The following PRDM5 variants were observed in gnomAD, a reference collection of about 807,000 sequenced individuals.
The protein encoded by PRDM5 is PR/SET domain 5.
PRDM5 carries 56 observed loss-of-function variants against 81.2 expected under a neutral mutation model. The ratio of observed to expected loss-of-function variants is 0.69; its 90% confidence interval spans 0.56 to 0.86. PRDM5 has a LOEUF of 0.86. PRDM5 is among the 40% of genes least tolerant of loss of function. The pLI, the probability that PRDM5 is intolerant of heterozygous loss-of-function variation, is 0.00. For missense variants in PRDM5, 697 were observed against 770.1 expected, an observed-to-expected ratio of 0.91 and a Z score of 1.12; for synonymous variants, 267 against 256.4, an observed-to-expected ratio of 1.04 and a Z score of -0.39.
Position 120,821,247 on chromosome 4 carries a change from T to C in PRDM5, c.399A>G (p.Glu133=). ...YLDSDMEAEE[E]EQQIMTVIKE... is the part of the protein sequence containing the mutation. ...TGATGACTGTCATAATTTGCTGTTC[T>C]TCCTCCTCAGCCTCCATGTCACTAT... The change falls in exon 4 of 16, where the codon GAA becomes GAG. Residue 133 remains glutamate, a synonymous_variant. Transcript: ENST00000264808. The C allele has an allele frequency of 6.2e-7, 1 of 1,614,108 alleles. No homozygotes were observed. The highest frequency in any genetic ancestry group is 8.5e-7 in the Non-Finnish European group (1 of 1,179,982).
chr4:120,728,637 C>T (rs1739795037), intron 14 of PRDM5, among the ~76,000 whole-genome samples: 1 of 152,068 alleles, frequency 6.6e-6, no homozygotes, highest in Non-Finnish European at 1.5e-5. Flanking sequence ...CAATTATTAC[C>T]CTCCACTTTC....
chr4:120,879,719 G>A (rs1287982821), intron 2 of PRDM5, among the ~76,000 whole-genome samples: 8 of 152,014 alleles, frequency 5.3e-5, no homozygotes, highest in African/African-American at 1.9e-4. Context: ...AGTTTTTGGG[G>A]AGTCAAAAGT....
chr4:120,868,944 C>A (rs2148528645), intron 2 of PRDM5, among the ~76,000 whole-genome samples: 1 of 152,234 alleles, frequency 6.6e-6, no homozygotes, highest in South Asian at 2.1e-4. Flanking sequence ...AAATTGGAAA[C>A]AACTTGCAAG....
At chr4:120,838,946 C>T in intron 3 of PRDM5, 1 of 489,142 alleles carries the variant, frequency 2.0e-6, no homozygotes, top group Non-Finnish European at 3.7e-6. Context: ...ATGCCGGCTG[C>T]TGCAGAAGGG....
intron 3 of PRDM5, among the ~76,000 whole-genome samples, chr4:120,844,670 C>T (rs1758444334): frequency 1.3e-5 from 2 of 152,262 alleles, no homozygotes; most frequent in Admixed American, 6.5e-5. Flanking sequence ...CACAACAATA[C>T]TGAAATGAGG....
chr4:120,794,740 C>T (rs1751105913), intron 10 of PRDM5, among the ~76,000 whole-genome samples: 1 of 152,064 alleles, frequency 6.6e-6, no homozygotes, highest in South Asian at 2.1e-4. Flanking sequence ...TCTCCTGCCT[C>T]AGCCTCCTGA....
At chr4:120,835,703 C>A (rs1757276534) in intron 3 of PRDM5, among the ~76,000 whole-genome samples, 1 of 151,932 alleles carries the variant, frequency 6.6e-6, no homozygotes, top group African/African-American at 2.4e-5. Flanking sequence ...AACTAAACCT[C>A]TTTTTTTTCC....
intron 12 of PRDM5, among the ~76,000 whole-genome samples, chr4:120,780,474 C>T (rs1238809066): frequency 6.6e-6 from 1 of 152,020 alleles, no homozygotes; most frequent in Non-Finnish European, 1.5e-5. Context: ...ACATTAAAAC[C>T]TTTAAGTGTA....
intron 2 of PRDM5, among the ~76,000 whole-genome samples, chr4:120,867,379 A>C (rs1561541590): frequency 6.6e-6 from 1 of 152,162 alleles, no homozygotes; most frequent in Non-Finnish European, 1.5e-5. Context: ...AAAAACCAAA[A>C]CATATGTTTC....
chr4:120,907,628 T>C (rs1765986096), intron 1 of PRDM5, 71 bp from the exon 2 acceptor site: 2 of 1,219,902 alleles, frequency 1.6e-6, no homozygotes, highest in East Asian at 2.3e-5. Context: ...ACGACTTTTT[T>C]CTTCTGGAAT....
intron 3 of PRDM5, among the ~76,000 whole-genome samples, chr4:120,842,201 TAAG>T (rs910783435): frequency 1.3e-5 from 2 of 152,200 alleles, no homozygotes; most frequent in Non-Finnish European, 2.9e-5. Context: ...GCAGTCTGGC[TAAG>T]ATAAAACTAC....
downstream of PRDM5, among the ~76,000 whole-genome samples, chr4:120,687,870 A>G (rs1352835466): frequency 4.6e-5 from 7 of 152,122 alleles, no homozygotes; most frequent in Non-Finnish European, 1.0e-4. Flanking sequence ...CATCCTTGCC[A>G]GTGCTTGCAC....
intron 2 of PRDM5, among the ~76,000 whole-genome samples, chr4:120,869,795 G>C (rs2148532389): frequency 6.6e-6 from 1 of 152,180 alleles, no homozygotes; most frequent in South Asian, 2.1e-4. Context: ...ATCCTCCTTT[G>C]CCATGTTGAA....
chr4:120,804,058 C>A (rs1444787189), intron 8 of PRDM5, among the ~76,000 whole-genome samples: 1 of 152,142 alleles, frequency 6.6e-6, no homozygotes, highest in African/African-American at 2.4e-5. Flanking sequence ...ATCCTAGTCT[C>A]TGATAAAACA....
chr4:120,896,107 C>T (rs901375802), intron 2 of PRDM5: 2 of 152,222 alleles, frequency 1.3e-5, no homozygotes, highest in Non-Finnish European at 2.9e-5. Flanking sequence ...CATAAGCCAC[C>T]ATGCCCAGTC....
intron 2 of PRDM5, among the ~76,000 whole-genome samples, chr4:120,881,638 G>A (rs1275652401): frequency 2.0e-5 from 3 of 152,082 alleles, no homozygotes; most frequent in Non-Finnish European, 4.4e-5. Context: ...TACACCACAA[G>A]TTCATTTATT....
At chr4:120,854,594 G>A (rs903523895) in intron 2 of PRDM5, among the ~76,000 whole-genome samples, 1 of 152,068 alleles carries the variant, frequency 6.6e-6, no homozygotes, top group African/African-American at 2.4e-5. Context: ...CAATTATTGG[G>A]TCCTTAATGG....
chr4:120,722,750 C>T (rs1048138833), intron 14 of PRDM5, among the ~76,000 whole-genome samples: 13 of 152,076 alleles, frequency 8.5e-5, no homozygotes, highest in South Asian at 6.2e-4. Flanking sequence ...GACCTGGCTG[C>T]GATTACTGAG....
At chr4:120,699,161 AATATATATAT>A (rs70948358) in intron 15 of PRDM5, among the ~76,000 whole-genome samples, 898 of 73,450 alleles carry the variant, frequency 0.012, 6 homozygotes, top group Middle Eastern at 0.036. Flanking sequence ...AGGAAATATA[AATATATATAT>A]ATATATATAT....
Sources: gnomAD v4.1 joint callset for allele counts (sites outside exome capture counted in the v4.1 genomes callset) on GRCh38, gnomAD v4.1.1 for gene constraint, MANE v1.5 for transcripts, NCBI Gene and HGNC (gene_info 2026-07-23, HGNC 2026-07-21) for gene names.